The following CNTN5 variants were observed in gnomAD, a reference collection of about 807,000 sequenced individuals.
CNTN5 encodes contactin-5.
A neutral mutation model predicts 129.1 loss-of-function variants in CNTN5; 77 were observed. That is an observed-to-expected ratio of 0.60 (90% CI 0.50 to 0.72). The LOEUF (loss-of-function observed/expected upper bound fraction) is 0.72, where lower values mean the gene tolerates loss of function less well. Ranked by LOEUF, CNTN5 falls within the 30% of genes least tolerant of loss-of-function variation. The pLI is 0.00. For synonymous variants in CNTN5, 509 were observed against 465.6 expected (o/e 1.09, Z -1.20); for missense variants, 1,478 against 1,328.8 (o/e 1.11, Z -1.75).
intron 3 of CNTN5, among the ~76,000 whole-genome samples, chr11:99,771,083 G>A (rs1334375602): frequency 6.6e-6 from 1 of 152,028 alleles, no homozygotes; most frequent in African/African-American, 2.4e-5. Flanking sequence ...GAGGAACCTG[G>A]ACTTTCACAT....
chr11:99,024,526 C>A (rs576054943), intron 1 of CNTN5, among the ~76,000 whole-genome samples: 4 of 151,924 alleles, frequency 2.6e-5, no homozygotes, highest in Non-Finnish European at 5.9e-5. Context: ...TATGTTTTGC[C>A]TATTATAAAT....
At chr11:99,179,320 C>T (rs955449117) in intron 1 of CNTN5, among the ~76,000 whole-genome samples, 2 of 152,024 alleles carry the variant, frequency 1.3e-5, no homozygotes, top group African/African-American at 4.8e-5. Flanking sequence ...TGCACACCTG[C>T]AATCTCAGCT....
At chr11:99,175,802 T>C (rs1857742092) in intron 1 of CNTN5, among the ~76,000 whole-genome samples, 1 of 152,102 alleles carries the variant, frequency 6.6e-6, no homozygotes, top group South Asian at 2.1e-4. Context: ...TCTTCTAAGT[T>C]AAAGAGATAA....
chr11:100,009,011 A>G (rs1254091967), intron 9 of CNTN5, among the ~76,000 whole-genome samples: 2 of 152,116 alleles, frequency 1.3e-5, no homozygotes, highest in Admixed American at 6.6e-5. Flanking sequence ...TTTTCCATAT[A>G]TAAGCTTATA....
chr11:100,129,756 T>G (rs920870539), intron 13 of CNTN5, among the ~76,000 whole-genome samples: 2 of 152,152 alleles, frequency 1.3e-5, no homozygotes, highest in African/African-American at 4.8e-5. Context: ...GTTGTTCATA[T>G]TCACACTCTT....
chr11:99,999,948 A>G (rs1384397118), intron 8 of CNTN5, among the ~76,000 whole-genome samples: 2 of 151,124 alleles, frequency 1.3e-5, no homozygotes, highest in Non-Finnish European at 2.9e-5. Context: ...ATAGATAGGA[A>G]CTGAACAATG....
intron 2 of CNTN5, among the ~76,000 whole-genome samples, chr11:99,406,113 T>A (rs926345845): frequency 2.6e-5 from 4 of 152,002 alleles, no homozygotes; most frequent in Non-Finnish European, 5.9e-5. Context: ...CTTCTAGATG[T>A]TTACCTGTTT....
chr11:99,866,704 C>T (rs1220545033), intron 6 of CNTN5, among the ~76,000 whole-genome samples: 2 of 152,168 alleles, frequency 1.3e-5, no homozygotes, highest in African/African-American at 2.4e-5. Flanking sequence ...CTCAGGATTA[C>T]TTATTTGCTA....
chr11:99,770,221 T>G (rs11607232), intron 3 of CNTN5, among the ~76,000 whole-genome samples: 1,566 of 152,238 alleles, frequency 0.01, 12 homozygotes, highest in Non-Finnish European at 0.016. Flanking sequence ...GTTTGCTTTA[T>G]CTTTTCTCTT....
intron 16 of CNTN5, among the ~76,000 whole-genome samples, chr11:100,245,691 T>C (rs192667546): frequency 2.0e-5 from 3 of 152,248 alleles, no homozygotes; most frequent in Non-Finnish European, 2.9e-5. Context: ...GAAATCTACA[T>C]GTCCTGTCTG....
At chr11:99,356,034 G>T (rs929605285) in intron 2 of CNTN5, among the ~76,000 whole-genome samples, 1 of 151,864 alleles carries the variant, frequency 6.6e-6, no homozygotes, top group African/African-American at 2.4e-5. Context: ...CACCATGTTA[G>T]CCAGGATGGT....
intron 3 of CNTN5, among the ~76,000 whole-genome samples, chr11:99,690,802 T>G (rs1954008552): frequency 6.6e-6 from 1 of 152,092 alleles, no homozygotes; most frequent in African/African-American, 2.4e-5. Flanking sequence ...TCCTTCCTTC[T>G]CAATTTTTTT....
chr11:99,589,452 G>C (rs1188678574), intron 3 of CNTN5, among the ~76,000 whole-genome samples: 1 of 152,134 alleles, frequency 6.6e-6, no homozygotes, highest in African/African-American at 2.4e-5. Flanking sequence ...TTCCAAAGAA[G>C]GATCTGAAGT....
chr11:100,342,410 G>A (rs747164794), intron 23 of CNTN5, among the ~76,000 whole-genome samples: 4 of 152,088 alleles, frequency 2.6e-5, no homozygotes, highest in Non-Finnish European at 5.9e-5. Flanking sequence ...GAACTATGAT[G>A]AACAATATCC....
In CNTN5 at chr11:99,434,487, A is replaced by G. The variant is rs139008036; in HGVS notation, c.-71+109003A>G. 1.8e-3 allele frequency among the ~76,000 whole-genome samples: 279 copies of G among 152,274 alleles called. 2 individuals are homozygous for G. Among genetic ancestry groups the G allele is most frequent in the African/African-American group, 6.4e-3 (266 of 41,580 alleles). On this transcript the variant is annotated intron_variant, in intron 2 of 24. Coordinates refer to ENST00000524871, the MANE Select transcript of CNTN5 (RefSeq NM_014361.4). ...ATTTCCTCTAGTTCCATGCAACAGC[A>G]AGTAAGATGCATAGCTTTTAATTTT...
At chr11:100,003,733 C>T (rs763885554) in intron 9 of CNTN5, 59 of 152,114 alleles carry the variant, frequency 3.9e-4, no homozygotes, top group Non-Finnish European at 1.5e-4. Flanking sequence ...CACTAAATCA[C>T]TTATGTTCTT....
At chr11:100,084,980 C>A (rs1944494563) in intron 13 of CNTN5, among the ~76,000 whole-genome samples, 1 of 151,938 alleles carries the variant, frequency 6.6e-6, no homozygotes, top group Non-Finnish European at 1.5e-5. Context: ...ACAGGGGCAT[C>A]ACAGAAAGAA....
At chr11:99,470,824 A>G (rs200702319) in intron 2 of CNTN5, among the ~76,000 whole-genome samples, 1 of 138,074 alleles carries the variant, frequency 7.2e-6, no homozygotes, top group East Asian at 2.3e-4. Flanking sequence ...ATTTTTTTTT[A>G]TCATTATAGC....
At chr11:99,901,401 C>A (rs1001687896) in intron 6 of CNTN5, among the ~76,000 whole-genome samples, 1 of 151,984 alleles carries the variant, frequency 6.6e-6, no homozygotes, top group Non-Finnish European at 1.5e-5. Flanking sequence ...AATGGTTCTC[C>A]CACCTCAGTC....
Sources: gnomAD v4.1 joint callset for allele counts (sites outside exome capture counted in the v4.1 genomes callset) on GRCh38, gnomAD v4.1.1 for gene constraint, MANE v1.5 for transcripts, NCBI Gene and HGNC (gene_info 2026-07-23, HGNC 2026-07-21) for gene names.